NDFIP1: variants seen among roughly 807,000 people sequenced by gnomAD.
The protein encoded by NDFIP1 is Nedd4 family interacting protein 1, also known as NEDD4 family-interacting protein 1.
A neutral mutation model predicts 28.8 loss-of-function variants in NDFIP1; 7 were observed. The ratio of observed to expected loss-of-function variants is 0.24; its 90% CI spans 0.14 to 0.46. The LOEUF is 0.46. Ranked by LOEUF, NDFIP1 falls within the 20% of genes least tolerant of loss-of-function variation. The pLI, the probability that NDFIP1 is intolerant of heterozygous loss-of-function variation, is 0.99. For synonymous variants in NDFIP1, 92 were observed against 101.0 expected (o/e 0.91, Z 0.53); for missense variants, 194 against 269.1 (o/e 0.72, Z 1.95).
At position 142,131,750 on chromosome 5, in the gene NDFIP1, G is replaced by A. The variant is rs1049084002; in HGVS notation, c.64-58G>A. On this transcript the variant is annotated intron_variant, in intron 1 of 7. Transcript: ENST00000253814. ...GAAAGGCTATTTATTTCAGTTTTTG[G>A]GTTCTTATCTTTCTAATTGGCTTTA... is the stretch of plus-strand genomic sequence containing the variant. 17 of 1,346,044 alleles carry A rather than the reference G, an allele frequency of 1.3e-5. No individual in the cohort carries two copies. The Admixed American group carries it at 3.1e-4, about 25-fold the overall frequency. The allele number at this position is 1,346,044 out of a possible 1,614,324, so 83.4% of individuals were successfully genotyped here.
Position 142,153,897 on chromosome 5 carries a change from A to C in NDFIP1, c.*2169A>C, listed in dbSNP as rs1185299410. On this transcript the variant is annotated 3_prime_UTR_variant, in exon 8 of 8. Transcript: ENST00000253814. ...TGAAATATTTGGAATTCCTATTTCT[A>C]CGTATTTGGTGGTCCATAAGACTTT... 1 of 153,168 alleles carries C rather than the reference A, an allele frequency of 6.5e-6. No individual in the cohort carries two copies. Among genetic ancestry groups the C allele is most frequent in the Admixed American group, 6.5e-5 (1 of 15,430 alleles). 9.5% of individuals were successfully genotyped at this position (153,168 alleles called of 1,614,324 possible). A position where few individuals can be genotyped will look rare whatever the true frequency, so the allele number is the denominator to read the frequency against.
At chr5:142,148,599 A>T (rs530060724) in intron 7 of NDFIP1, among the ~76,000 whole-genome samples, 1 of 152,052 alleles carries the variant, frequency 6.6e-6, no homozygotes, top group South Asian at 2.1e-4. Flanking sequence ...AAAGATACAA[A>T]AATTATCTGG....
intron 3 of NDFIP1, among the ~76,000 whole-genome samples, chr5:142,133,328 C>A (rs1016034462): frequency 6.6e-6 from 1 of 152,216 alleles, no homozygotes; most frequent in Non-Finnish European, 1.5e-5. Context: ...CATAATGTAA[C>A]TGCCGTATAT....
At chr5:142,117,371 G>T (rs1489604882) in intron 1 of NDFIP1, among the ~76,000 whole-genome samples, 1 of 151,588 alleles carries the variant, frequency 6.6e-6, no homozygotes, top group Non-Finnish European at 1.5e-5. Flanking sequence ...AGTCTCCTGA[G>T]TAGCTGGGAC....
chr5:142,116,443 A>G (rs1352303648), intron 1 of NDFIP1, among the ~76,000 whole-genome samples: 1 of 151,234 alleles, frequency 6.6e-6, no homozygotes, highest in African/African-American at 2.4e-5. Context: ...ATCTTGGCAC[A>G]CTGCAACCCC....
At chr5:142,140,277 C>T (rs1596793097) in intron 5 of NDFIP1, among the ~76,000 whole-genome samples, 3 of 151,760 alleles carry the variant, frequency 2.0e-5, no homozygotes, top group East Asian at 1.9e-4. Flanking sequence ...GGAGAAACCC[C>T]ATCTCTACTA....
intron 7 of NDFIP1, among the ~76,000 whole-genome samples, chr5:142,150,871 T>C (rs1374874300): frequency 6.6e-6 from 1 of 152,236 alleles, no homozygotes; most frequent in Non-Finnish European, 1.5e-5. Flanking sequence ...CAAAATAGTT[T>C]CTCAATAAAT....
chr5:142,115,277 T>C (rs893284466), intron 1 of NDFIP1, among the ~76,000 whole-genome samples: 2 of 152,170 alleles, frequency 1.3e-5, no homozygotes, highest in Non-Finnish European at 2.9e-5. Context: ...AGAAGAATTA[T>C]ATTCTTTTTT....
chr5:142,145,046 G>A (rs1339828224), intron 7 of NDFIP1, among the ~76,000 whole-genome samples: 1 of 152,140 alleles, frequency 6.6e-6, no homozygotes, highest in Non-Finnish European at 1.5e-5. Context: ...AACCCTTCAG[G>A]CCTAATCACT....
At chr5:142,114,201 TC>T (rs1355110158) in intron 1 of NDFIP1, among the ~76,000 whole-genome samples, 7 of 152,242 alleles carry the variant, frequency 4.6e-5, no homozygotes, top group Non-Finnish European at 8.8e-5. Context: ...TTTCTCCATA[TC>T]CTCAACATAC....
intron 5 of NDFIP1, chr5:142,138,104 G>A (rs922980734): frequency 1.0e-4 from 34 of 325,148 alleles, no homozygotes; most frequent in Admixed American, 4.0e-4. Flanking sequence ...TGCTTTGTTT[G>A]TTTTTAATGT....
At chr5:142,120,728 G>A (rs1389840938) in intron 1 of NDFIP1, among the ~76,000 whole-genome samples, 2 of 152,210 alleles carry the variant, frequency 1.3e-5, no homozygotes, top group East Asian at 1.9e-4. Context: ...CCCCACATCA[G>A]TTGTGGCCTG....
rs890299363 is a variant in NDFIP1 at position 142,153,259 on chromosome 5, T to C, written c.*1531T>C. The C allele has an allele frequency of 8.9e-6, 4 of 450,534 alleles. No homozygotes were observed. The highest frequency in any genetic ancestry group is 8.7e-5 in the African/African-American group (4 of 45,950). 27.9% of individuals were successfully genotyped at this position (450,534 alleles called of 1,614,324 possible). A position where few individuals can be genotyped will look rare whatever the true frequency, so the allele number is the denominator to read the frequency against. The stretch of plus-strand genomic sequence containing the variant: ...AGTTGTTTTTATGATATCAGCCATT[T>C]GATTTTTTTCATTTTCTATTTAAGA... On this transcript the variant is annotated 3_prime_UTR_variant, in exon 8 of 8. Coordinates refer to ENST00000253814, the MANE Select transcript of NDFIP1 (RefSeq NM_030571.4).
At chr5:142,126,046 A>T (rs568902094) in intron 1 of NDFIP1, among the ~76,000 whole-genome samples, 2 of 152,294 alleles carry the variant, frequency 1.3e-5, no homozygotes, top group East Asian at 3.9e-4. Flanking sequence ...TTTTTCTTGA[A>T]TGTAAATAAT....
chr5:142,144,882 G>A (rs1347459565), intron 7 of NDFIP1, among the ~76,000 whole-genome samples: 3 of 152,186 alleles, frequency 2.0e-5, no homozygotes, highest in Non-Finnish European at 4.4e-5. Flanking sequence ...AACTGCCATA[G>A]GAGAAATCAT....
At chr5:142,127,109 C>T (rs899627805) in intron 1 of NDFIP1, among the ~76,000 whole-genome samples, 18 of 152,152 alleles carry the variant, frequency 1.2e-4, no homozygotes, top group African/African-American at 4.3e-4. Flanking sequence ...TCCACCTCCC[C>T]GGATCAAGTG....
chr5:142,142,522 ATAAT>A (rs943196520), intron 6 of NDFIP1, among the ~76,000 whole-genome samples: 1 of 152,186 alleles, frequency 6.6e-6, no homozygotes, highest in African/African-American at 2.4e-5. Context: ...TATGGCATAA[ATAAT>A]TTAAAGAAAT....
chr5:142,136,000 C>G (rs1191277101), intron 4 of NDFIP1, among the ~76,000 whole-genome samples, 183 bp downstream of exon 4: 2 of 152,086 alleles, frequency 1.3e-5, no homozygotes, highest in East Asian at 3.9e-4. Context: ...TTCTCTTTGC[C>G]TTCTATTTTC....
At chr5:142,138,907 T>G (rs1282022546) in intron 5 of NDFIP1, among the ~76,000 whole-genome samples, 1 of 151,930 alleles carries the variant, frequency 6.6e-6, no homozygotes, top group Non-Finnish European at 1.5e-5. Context: ...AACTAAATTT[T>G]CAACTGCATT....
Sources: allele counts gnomAD v4.1 joint callset (sites outside exome capture counted in the v4.1 genomes callset), GRCh38; gene constraint gnomAD v4.1.1; transcripts MANE v1.5; gene names NCBI Gene and HGNC (gene_info 2026-07-23, HGNC 2026-07-21).